The following FBXO38 variants were observed in gnomAD, a reference collection of about 807,000 sequenced individuals.
The protein encoded by FBXO38 is F-box only protein 38.
A neutral mutation model predicts 131.9 loss-of-function variants in FBXO38; 53 were observed. The observed-to-expected ratio is 0.40, with a 90% CI of 0.32 to 0.51. The LOEUF (loss-of-function observed/expected upper bound fraction) is 0.51. Ranked by LOEUF, FBXO38 falls within the 20% of genes least tolerant of loss-of-function variation. FBXO38 has a pLI of 0.53. For missense variants in FBXO38, 1,076 were observed against 1,475.6 expected, an observed-to-expected ratio of 0.73 and a Z score of 4.44; for synonymous variants, 452 against 505.6, an observed-to-expected ratio of 0.89 and a Z score of 1.42.
At chr5:148,416,883 G>A (rs1361651063) in intron 11 of FBXO38, 111 bp from the exon 12 acceptor site, 1 of 677,286 alleles carries the variant, frequency 1.5e-6, no homozygotes, top group Admixed American at 2.4e-5. Flanking sequence ...TCATAAATAA[G>A]TACTATATAA....
Position 148,440,464 on chromosome 5 carries a change from A to G in FBXO38, c.3211A>G (p.Ser1071Gly). 1.2e-6 allele frequency: 2 copies of G among 1,613,012 alleles called. No homozygotes were observed. Among genetic ancestry groups the G allele is most frequent in the Non-Finnish European group, 1.7e-6 (2 of 1,179,052 alleles). Residue 1071 changes from serine to glycine, a missense_variant, in exon 20 of 22, where the codon AGT becomes GGT. Ser to Gly is a moderately conservative substitution (Grantham distance 56). Transcript: ENST00000340253. Reference protein sequence around the residue: ...KYEFFPEATRSEEDLKKYPKY... With the variant: ...KYEFFPEATRGEEDLKKYPKY... ...TGAATTCTTCCCTGAAGCCACTCGA[A>G]GTGAAGAAGACTTAAAGAAATACCC...
rs138721783 is a variant in FBXO38 at position 148,421,749 on chromosome 5, T to C, written c.1619-2249T>C. ...AAAAGTCAAAACCATGAATCATTTGTATCTTCACTAGCCCAGGGGCATCAC... is the reference window on the plus strand; with the variant it reads ...AAAAGTCAAAACCATGAATCATTTGCATCTTCACTAGCCCAGGGGCATCAC... On this transcript the variant is annotated intron_variant, in intron 12 of 21. Transcript: ENST00000340253. 5.9e-5 allele frequency among the ~76,000 whole-genome samples: 9 copies of C among 152,322 alleles called. No individual in the cohort carries two copies. The East Asian group carries it at 1.7e-3, about 29-fold the overall frequency.
At chr5:148,426,946 G>A (rs1291387207) in intron 14 of FBXO38, among the ~76,000 whole-genome samples, 2 of 152,282 alleles carry the variant, frequency 1.3e-5, no homozygotes, top group African/African-American at 4.8e-5. Context: ...AATGTAGAAT[G>A]TATATGGAGG....
At chr5:148,429,398 G>T (rs760823056) in intron 15 of FBXO38, among the ~76,000 whole-genome samples, 1 of 150,770 alleles carries the variant, frequency 6.6e-6, no homozygotes, top group South Asian at 2.1e-4. Flanking sequence ...GTCCATTCTC[G>T]TGCTATGATT....
chr5:148,398,057 A>G lies in FBXO38; in HGVS notation c.129-942A>G, dbSNP rs79163643. Among the ~76,000 whole-genome samples the G allele has an allele frequency of 7.0e-3, 1,073 of 152,202 alleles. 16 individuals carry two copies. The highest frequency in any genetic ancestry group is 0.024 in the African/African-American group (990 of 41,536). ...CCAGCTGGTGCATCTCATTGGCTAA[A>G]GTTAACAGCCAGAGAGGGGTAGGGA... On this transcript the variant is annotated intron_variant, in intron 2 of 21. Coordinates refer to ENST00000340253, the MANE Select transcript of FBXO38 (RefSeq NM_205836.3).
At chr5:148,411,924 T>C (rs1396997205) in intron 9 of FBXO38, among the ~76,000 whole-genome samples, 3 of 152,302 alleles carry the variant, frequency 2.0e-5, no homozygotes, top group South Asian at 2.1e-4. Context: ...GAAATTGATA[T>C]TCTTTCTATA....
chr5:148,390,507 G>A (rs933170090), intron 1 of FBXO38, among the ~76,000 whole-genome samples: 3 of 152,184 alleles, frequency 2.0e-5, no homozygotes, highest in African/African-American at 4.8e-5. Flanking sequence ...AATTCTAGCC[G>A]TGATGTAAGA....
At position 148,401,993 on chromosome 5, in the gene FBXO38, G is replaced by A; in HGVS notation, c.274G>A (p.Ala92Thr). 2 of 1,608,778 alleles carry A rather than the reference G, an allele frequency of 1.2e-6. No homozygotes were observed. The highest frequency in any genetic ancestry group is 2.2e-5 in the East Asian group (1 of 44,740). The change falls in exon 4 of 22, where the codon GCC becomes ACC. Residue 92 changes from alanine to threonine, a missense_variant. Ala to Thr is a moderately conservative substitution (Grantham distance 58, BLOSUM62 0). Transcript: ENST00000340253. ...WEYMPSGFTD[A>T]SFLTLLKKMP... ...TCTGAACTTCTCAGGCTTTACAGAT[G>A]CCAGTTTTCTAACACTATTAAAGAA...
rs776031529 is a variant in FBXO38 at position 148,394,793 on chromosome 5, A to G, written c.17A>G (p.Lys6Arg). The change falls in exon 2 of 22, where the codon AAA becomes AGA. Residue 6 changes from lysine to arginine, a missense_variant. Transcript: ENST00000340253. Reference protein sequence around the residue: MGPRKKSVKTCIMNNE... With the variant: MGPRKRSVKTCIMNNE... ...TGCACAACAATGGGGCCACGAAAGA[A>G]AAGTGTGAAAACATGTATCATGAAT... 7.6e-6 allele frequency: 12 copies of G among 1,580,974 alleles called. No individual in the cohort carries two copies. Among genetic ancestry groups the G allele is most frequent in the Admixed American group, 3.7e-5 (2 of 54,358 alleles).
Position 148,442,414 on chromosome 5 carries a change from G to C in FBXO38, c.*267G>C, listed in dbSNP as rs575718099. 2.0e-5 allele frequency: 5 copies of C among 248,296 alleles called. No homozygotes were observed. Among genetic ancestry groups the C allele is most frequent in the African/African-American group, 8.9e-5 (4 of 45,042 alleles). The allele number at this position is 248,296 out of a possible 1,614,324, so 15.4% of individuals were successfully genotyped here. On this transcript the variant is annotated 3_prime_UTR_variant, in exon 22 of 22. Coordinates refer to ENST00000340253, the MANE Select transcript of FBXO38 (RefSeq NM_205836.3). Reference sequence around the variant, plus strand: ...TTTAAGGAAGACAGATAATTTGAAAGACTTTTGTTTTTCTTGACTTAATTC... The same window carrying C: ...TTTAAGGAAGACAGATAATTTGAAACACTTTTGTTTTTCTTGACTTAATTC...
At position 148,399,127 on chromosome 5, in the gene FBXO38, C is replaced by T. The variant is rs781388776; in HGVS notation, c.257C>T (p.Pro86Leu). 6 of 1,612,760 alleles carry T rather than the reference C, an allele frequency of 3.7e-6. No homozygotes were observed. In the East Asian group the frequency reaches 1.1e-4, roughly 30 times the overall value. Residue 86 changes from proline to leucine, a missense_variant, in exon 3 of 22, where the codon CCA becomes CTA. Pro to Leu is a moderately conservative substitution (Grantham distance 98). Coordinates refer to ENST00000340253, the MANE Select transcript of FBXO38 (RefSeq NM_205836.3). ...GCAGGGCGGTGGTGGGAATACATGCCAAGTGGTAAGTGGATTTAGTCTGTG... is the reference window on the plus strand; with the variant it reads ...GCAGGGCGGTGGTGGGAATACATGCTAAGTGGTAAGTGGATTTAGTCTGTG... ...LCAGRWWEYM[P>L]SGFTDASFLT... is the part of the protein sequence containing the mutation.
chr5:148,402,564 T>C, intron 5 of FBXO38, 51 bp downstream of exon 5: 1 of 1,381,956 alleles, frequency 7.2e-7, no homozygotes, highest in Non-Finnish European at 9.8e-7. Context: ...TGCCATAAAA[T>C]GTGAATATTC....
At chr5:148,440,774 A>G (rs1754636779) in intron 20 of FBXO38, among the ~76,000 whole-genome samples, 1 of 152,244 alleles carries the variant, frequency 6.6e-6, no homozygotes, top group South Asian at 2.1e-4. Context: ...TTTTAAAAAA[A>G]GAAAGTTGAA....
intron 9 of FBXO38, among the ~76,000 whole-genome samples, chr5:148,411,598 T>A (rs1752756842): frequency 1.3e-5 from 2 of 152,180 alleles, no homozygotes; most frequent in African/African-American, 4.8e-5. Flanking sequence ...TTTTCATTTC[T>A]AATATATATT....
At chr5:148,389,105 G>T (rs1758062746) in intron 1 of FBXO38, among the ~76,000 whole-genome samples, 1 of 152,200 alleles carries the variant, frequency 6.6e-6, no homozygotes, top group Admixed American at 6.5e-5. Flanking sequence ...CAGCTAGCCA[G>T]TGGAGCAGTT....
chr5:148,421,543 CTT>C (rs543492138), intron 12 of FBXO38, among the ~76,000 whole-genome samples: 2 of 151,986 alleles, frequency 1.3e-5, no homozygotes, highest in African/African-American at 4.8e-5. Context: ...CTTTATAAGA[CTT>C]TTTTACAGCT....
At chr5:148,395,021 A>G in intron 2 of FBXO38, 117 bp downstream of exon 2, 1 of 1,103,694 alleles carries the variant, frequency 9.1e-7, no homozygotes, top group Non-Finnish European at 1.2e-6. Context: ...CAATTAAGTA[A>G]AAATGTAAAA....
intron 7 of FBXO38, 30 bp from the exon 8 acceptor site, chr5:148,409,094 C>A (rs1478807075): frequency 6.2e-6 from 8 of 1,300,360 alleles, no homozygotes; most frequent in South Asian, 3.5e-5. Context: ...ATGCTATGGT[C>A]AAACACTTGT....
chr5:148,421,196 C>T (rs1753405452), intron 12 of FBXO38, among the ~76,000 whole-genome samples: 1 of 152,202 alleles, frequency 6.6e-6, no homozygotes, highest in East Asian at 1.9e-4. Context: ...TCCATCTCAA[C>T]CTCACGATCC....
Sources: gnomAD v4.1 joint callset for allele counts (sites outside exome capture counted in the v4.1 genomes callset) on GRCh38, gnomAD v4.1.1 for gene constraint, MANE v1.5 for transcripts, NCBI Gene and HGNC (gene_info 2026-07-23, HGNC 2026-07-21) for gene names.